DNAJC1: variants seen among roughly 807,000 people sequenced by gnomAD.
DNAJC1 encodes the protein DnaJ heat shock protein family (Hsp40) member C1, also known as dnaJ homolog subfamily C member 1.
Under a neutral mutation model 76.6 loss-of-function variants are expected in DNAJC1, and 58 were observed. The observed-to-expected ratio is 0.76, with a 90% CI of 0.61 to 0.94. The LOEUF (loss-of-function observed/expected upper bound fraction) is 0.94, where lower values mean the gene tolerates loss of function less well. Ranked by LOEUF, DNAJC1 falls within the 40% of genes least tolerant of loss-of-function variation. The pLI, the probability that DNAJC1 is intolerant of heterozygous loss-of-function variation, is 0.00. For synonymous variants in DNAJC1, 258 were observed against 267.9 expected (o/e 0.96, Z 0.36); for missense variants, 689 against 677.3 (o/e 1.02, Z -0.19).
intron 10 of DNAJC1, among the ~76,000 whole-genome samples, chr10:21,761,915 T>C (rs1195240520): frequency 1.3e-5 from 2 of 152,196 alleles, no homozygotes; most frequent in Non-Finnish European, 2.9e-5. Context: ...TTTTTTTTTA[T>C]TTTTATTTTT....
intron 10 of DNAJC1, among the ~76,000 whole-genome samples, chr10:21,764,404 G>T (rs2131617721): frequency 6.6e-6 from 1 of 152,056 alleles, no homozygotes; most frequent in Middle Eastern, 3.4e-3. Flanking sequence ...GTATTTTTTT[G>T]AGTTTCTATT....
At chr10:21,815,757 T>C (rs1031151445) in intron 8 of DNAJC1, among the ~76,000 whole-genome samples, 1 of 152,040 alleles carries the variant, frequency 6.6e-6, no homozygotes, top group Non-Finnish European at 1.5e-5. Flanking sequence ...ATTTTCTTTT[T>C]TTTTTTGAGA....
rs556230197 is a variant in DNAJC1, at chr10:21,827,801, C to T, written c.979-21702G>A. On this transcript the variant is annotated intron_variant, in intron 8 of 11. Transcript: ENST00000376980. ...TGGATTTGTTTGGGATACTATTCAACCCACTATACATTGATGACTACATAT... is the reference window on the plus strand; with the variant it reads ...TGGATTTGTTTGGGATACTATTCAATCCACTATACATTGATGACTACATAT... 2.0e-5 allele frequency among the ~76,000 whole-genome samples: 3 copies of T among 152,314 alleles called. No homozygotes were observed. In the East Asian group the frequency reaches 5.8e-4, roughly 29 times the overall value.
At chr10:21,971,958 C>G (rs901165773) in intron 1 of DNAJC1, among the ~76,000 whole-genome samples, 3 of 151,790 alleles carry the variant, frequency 2.0e-5, no homozygotes, top group African/African-American at 7.2e-5. Context: ...ATAATTTAAG[C>G]TCACCCTCTC....
chr10:21,997,745 T>C (rs1838443342), intron 1 of DNAJC1, among the ~76,000 whole-genome samples: 1 of 152,222 alleles, frequency 6.6e-6, no homozygotes, highest in Non-Finnish European at 1.5e-5. Flanking sequence ...TATTAATTCC[T>C]ATCTAAAAAT....
At position 21,837,844 on chromosome 10, in the gene DNAJC1, G is replaced by A. The variant is rs1466364227; in HGVS notation, c.979-31745C>T. 4.7e-4 allele frequency among the ~76,000 whole-genome samples: 67 copies of A among 141,262 alleles called. 3 individuals are homozygous for A. Among genetic ancestry groups the A allele is most frequent in the African/African-American group, 1.6e-3 (62 of 37,706 alleles). The allele number at this position is 141,262 out of a possible 152,430, so 92.7% of individuals were successfully genotyped here. On this transcript the variant is annotated intron_variant, in intron 8 of 11. Transcript: ENST00000376980. The stretch of plus-strand genomic sequence containing the variant: ...GGGAGGTGGGGGGCAGCCCCCGCCT[G>A]GCCAGCCGCCCCGTCCGGGAGGGAG...
At chr10:21,768,906 C>T (rs943911377) in intron 9 of DNAJC1, among the ~76,000 whole-genome samples, 3 of 152,202 alleles carry the variant, frequency 2.0e-5, no homozygotes, top group Non-Finnish European at 4.4e-5. Flanking sequence ...CTTTCATCTT[C>T]AACTTCCCCT....
intron 7 of DNAJC1, among the ~76,000 whole-genome samples, chr10:21,893,414 G>A (rs1836487689): frequency 6.6e-6 from 1 of 151,972 alleles, no homozygotes; most frequent in African/African-American, 2.4e-5. Flanking sequence ...ATCACTTGAG[G>A]TCAGGAGTTC....
intron 9 of DNAJC1, among the ~76,000 whole-genome samples, chr10:21,795,812 C>T (rs1180166662): frequency 6.6e-6 from 1 of 152,140 alleles, no homozygotes; most frequent in African/African-American, 2.4e-5. Context: ...CAGCTCCTGG[C>T]AACCACCATT....
chr10:21,835,047 C>G (rs959939520), intron 8 of DNAJC1, among the ~76,000 whole-genome samples: 3 of 152,198 alleles, frequency 2.0e-5, no homozygotes, highest in Admixed American at 6.5e-5. Flanking sequence ...GGTCCCTGAT[C>G]CCCGAGAAGC....
intron 7 of DNAJC1, among the ~76,000 whole-genome samples, chr10:21,891,743 C>G (rs917006145): frequency 1.3e-5 from 2 of 152,110 alleles, no homozygotes; most frequent in Non-Finnish European, 2.9e-5. Flanking sequence ...AAGGGGAAAC[C>G]AAGACATCCT....
chr10:21,860,307 TAGAA>T (rs1475467705), intron 8 of DNAJC1, among the ~76,000 whole-genome samples: 2 of 152,052 alleles, frequency 1.3e-5, no homozygotes, highest in East Asian at 3.9e-4. Context: ...ATCTCTAAAA[TAGAA>T]AGAGGAGATA....
intron 1 of DNAJC1, among the ~76,000 whole-genome samples, chr10:21,974,974 CAA>C (rs944772079): frequency 6.6e-6 from 1 of 151,522 alleles, no homozygotes; most frequent in Non-Finnish European, 1.5e-5. Context: ...AAATTTCTAA[CAA>C]TATCATATTA....
At chr10:21,941,268 C>CAAAAAAAAAAAAAAA (rs11435502) in intron 1 of DNAJC1, among the ~76,000 whole-genome samples, 4 of 43,654 alleles carry the variant, frequency 9.2e-5, no homozygotes, top group Non-Finnish European at 1.1e-4. Context: ...GACACTGTCT[C>CAAAAAAAAAAAAAAA]AAAAAAAAAA....
chr10:21,795,970 C>CTTTT (rs528288634), intron 9 of DNAJC1, among the ~76,000 whole-genome samples: 2 of 132,888 alleles, frequency 1.5e-5, no homozygotes, highest in African/African-American at 2.7e-5. Context: ...GGGATTTCCG[C>CTTTT]TTTTTTTTTT....
intron 1 of DNAJC1, among the ~76,000 whole-genome samples, chr10:21,971,245 T>A (rs1837972829): frequency 6.6e-6 from 1 of 151,788 alleles, no homozygotes; most frequent in South Asian, 2.1e-4. Context: ...AGTGAATAGT[T>A]CCCTTTTAAC....
intron 6 of DNAJC1, among the ~76,000 whole-genome samples, chr10:21,910,950 AAG>A (rs1303591599): frequency 6.8e-6 from 1 of 148,082 alleles, no homozygotes; most frequent in Non-Finnish European, 1.5e-5. Flanking sequence ...AGAGACAAAG[AAG>A]AGAGAGAGAA....
At chr10:21,918,378 T>TC (rs987905589) in intron 6 of DNAJC1, among the ~76,000 whole-genome samples, 2 of 150,254 alleles carry the variant, frequency 1.3e-5, no homozygotes, top group African/African-American at 2.4e-5. Flanking sequence ...ATGTAAAGTT[T>TC]TTTTTTTTTT....
chr10:21,805,932 C>G, intron 9 of DNAJC1, 48 bp downstream of exon 9: 1 of 1,606,790 alleles, frequency 6.2e-7, no homozygotes, highest in Non-Finnish European at 8.5e-7. Context: ...ACATAGCTGA[C>G]TTGTTCTGGT....
Sources: allele counts gnomAD v4.1 joint callset (sites outside exome capture counted in the v4.1 genomes callset), GRCh38; gene constraint gnomAD v4.1.1; transcripts MANE v1.5; gene names NCBI Gene and HGNC (gene_info 2026-07-23, HGNC 2026-07-21).